OR51L1: variants seen among roughly 807,000 people sequenced by gnomAD.
OR51L1 encodes the protein olfactory receptor family 51 subfamily L member 1.
Under a neutral mutation model 1.4 loss-of-function variants are expected in OR51L1, and 1 was observed. The ratio of observed to expected loss-of-function variants is 0.72; its 90% CI spans 0.26 to 3.42. The LOEUF (loss-of-function observed/expected upper bound fraction) is 3.42, where lower values mean the gene tolerates loss of function less well. Ranked by LOEUF, OR51L1 falls within the 30% of genes most tolerant of loss-of-function variation. The pLI is 0.20. For synonymous variants in OR51L1, 156 were observed against 144.2 expected, an observed-to-expected ratio of 1.08 and a Z score of -0.59; for missense variants, 378 against 380.0, an observed-to-expected ratio of 0.99 and a Z score of 0.04.
chr11:4,998,971 C>T lies in OR51L1; in HGVS notation c.-12C>T, dbSNP rs1330989127. 6.2e-7 allele frequency: 1 copy of T among 1,606,200 alleles called. No individual in the cohort carries two copies. The highest frequency in any genetic ancestry group is 8.5e-7 in the Non-Finnish European group (1 of 1,175,094). ...CCATTCCTCACTACTTGCTGAATTA[C>T]TCAAAGTCACTATGGGAGACTGGAA... On this transcript the variant is annotated 5_prime_UTR_variant, in exon 3 of 3. Transcript: ENST00000641819.
In OR51L1 at chr11:5,002,206, A is replaced by G. The variant is rs900942681; in HGVS notation, c.*2276A>G. The G allele has an allele frequency of 1.3e-5, 2 of 152,238 alleles. No individual in the cohort carries two copies. The highest frequency in any genetic ancestry group is 2.9e-5 in the Non-Finnish European group (2 of 68,038). The allele number at this position is 152,238 out of a possible 1,614,324, so 9.4% of individuals were successfully genotyped here. On this transcript the variant is annotated 3_prime_UTR_variant, in exon 3 of 3. Coordinates refer to ENST00000641819, the MANE Select transcript of OR51L1 (RefSeq NM_001004755.2). The stretch of plus-strand genomic sequence containing the variant: ...GTCATATAGGTTAATGAAATTGGTT[A>G]TGATGGAAGTATTTAAACCACAGAA...
chr11:4,996,721 T>TTTC (rs1554896493), intron 1 of OR51L1, among the ~76,000 whole-genome samples: 5,561 of 106,160 alleles, frequency 0.052, 225 homozygotes, highest in Middle Eastern at 0.097. Context: ...CTTTCTTTTC[T>TTTC]TTTCTTTCTT....
rs575502048 is a variant in OR51L1, at chr11:4,996,691, T to C, written c.-261-791T>C. On this transcript the variant is annotated intron_variant, in intron 1 of 2. Transcript: ENST00000641819. The stretch of plus-strand genomic sequence containing the variant: ...TTTCTTTTTTTCTCTTTCTTTCTTT[T>C]TCTTTCTTTTCCTTCCTTCCTTTCT... 3.9e-3 allele frequency among the ~76,000 whole-genome samples: 531 copies of C among 136,576 alleles called. 7 individuals carry two copies. The highest frequency in any genetic ancestry group is 0.015 in the African/African-American group (520 of 35,386). 89.6% of individuals were successfully genotyped at this position (136,576 alleles called of 152,430 possible).
intron 1 of OR51L1, among the ~76,000 whole-genome samples, chr11:4,996,254 A>G (rs963643649): frequency 4.0e-5 from 6 of 150,700 alleles, no homozygotes; most frequent in South Asian, 2.1e-4. Flanking sequence ...GTGTGCATGC[A>G]CACACACACA....
At chr11:4,996,761 C>A (rs1589827950) in intron 1 of OR51L1, among the ~76,000 whole-genome samples, 1 of 123,712 alleles carries the variant, frequency 8.1e-6, no homozygotes, top group African/African-American at 3.1e-5. Context: ...TTCTTTCTTT[C>A]TTTCTTTCAT....
At position 5,002,801 on chromosome 11, in the gene OR51L1, A is replaced by T. The variant is rs557010090; in HGVS notation, c.*2871A>T. 6.6e-6 allele frequency: 1 copy of T among 152,112 alleles called. No individual in the cohort carries two copies. Among genetic ancestry groups the T allele is most frequent in the Admixed American group, 6.6e-5 (1 of 15,254 alleles). The allele number at this position is 152,112 out of a possible 1,614,324, so 9.4% of individuals were successfully genotyped here. A position where few individuals can be genotyped will look rare whatever the true frequency, so the allele number is the denominator to read the frequency against. ...CCACTTTCATTCCTTTTCATTTAAG[A>T]TGATTATCCCAGGGATTCTCTTATT... On this transcript the variant is annotated 3_prime_UTR_variant, in exon 3 of 3. Transcript: ENST00000641819.
At position 5,003,873 on chromosome 11, in the gene OR51L1, A is replaced by G. The variant is rs939980163; in HGVS notation, c.*3943A>G. 1 of 152,066 alleles carries G rather than the reference A, an allele frequency of 6.6e-6. No homozygotes were observed. The highest frequency in any genetic ancestry group is 1.9e-4 in the East Asian group (1 of 5,182). The allele number at this position is 152,066 out of a possible 1,614,324, so 9.4% of individuals were successfully genotyped here. On this transcript the variant is annotated 3_prime_UTR_variant, in exon 3 of 3. Coordinates refer to ENST00000641819, the MANE Select transcript of OR51L1 (RefSeq NM_001004755.2). ...TGTCTGATGACTAGAAATGTTCTTA[A>G]TTTTAATTAAGTCCAACTTATAAAT... is the stretch of plus-strand genomic sequence containing the variant.
rs1020590086 is a variant in OR51L1 at position 5,005,225 on chromosome 11, C to T, written c.*5295C>T. The T allele has an allele frequency of 6.6e-6, 1 of 152,200 alleles. No homozygotes were observed. Among genetic ancestry groups the T allele is most frequent in the Non-Finnish European group, 1.5e-5 (1 of 68,044 alleles). The allele number at this position is 152,200 out of a possible 1,614,324, so 9.4% of individuals were successfully genotyped here. A position where few individuals can be genotyped will look rare whatever the true frequency, so the allele number is the denominator to read the frequency against. ...ATTATGTCACTTACAAGTTTATCTTCCCAGGTGCAGAAAAGTCAAGATTCA... is the reference window on the plus strand; with the variant it reads ...ATTATGTCACTTACAAGTTTATCTTTCCAGGTGCAGAAAAGTCAAGATTCA... On this transcript the variant is annotated 3_prime_UTR_variant, in exon 3 of 3. Transcript: ENST00000641819.
rs1847157010 is a variant in OR51L1, at chr11:5,004,305, A to C, written c.*4375A>C. 1 of 152,234 alleles carries C rather than the reference A, an allele frequency of 6.6e-6. No individual in the cohort carries two copies. The highest frequency in any genetic ancestry group is 2.1e-4 in the South Asian group (1 of 4,828). 9.4% of individuals were successfully genotyped at this position (152,234 alleles called of 1,614,324 possible). A position where few individuals can be genotyped will look rare whatever the true frequency, so the allele number is the denominator to read the frequency against. On this transcript the variant is annotated 3_prime_UTR_variant, in exon 3 of 3. Coordinates refer to ENST00000641819, the MANE Select transcript of OR51L1 (RefSeq NM_001004755.2). The stretch of plus-strand genomic sequence containing the variant: ...TTTTCAGGACTGAGTAGTAGGAAGC[A>C]CCAGGTGAGCTGAGGCTTGTAGGCA...
In OR51L1 at chr11:4,995,852, G is replaced by T. The variant is rs141180899; in HGVS notation, c.-262+517G>T. 1.4e-4 allele frequency among the ~76,000 whole-genome samples: 22 copies of T among 152,178 alleles called. No individual in the cohort carries two copies. The East Asian group carries it at 4.2e-3, about 29-fold the overall frequency. ...AAAGACAATAAATGGATTTTAAAAA[G>T]TGAAAGACATGACAGATATGGCAGT... On this transcript the variant is annotated intron_variant, in intron 1 of 2. Coordinates refer to ENST00000641819, the MANE Select transcript of OR51L1 (RefSeq NM_001004755.2).
rs569873168 is a variant in OR51L1 at position 4,996,378 on chromosome 11, T to C, written c.-262+1043T>C. On this transcript the variant is annotated intron_variant, in intron 1 of 2. Transcript: ENST00000641819. ...ATACACAGTTAAAAATTAATAGGGA[T>C]TACAAACAGAAATATTCCTGCCTGT... is the stretch of plus-strand genomic sequence containing the variant. Among the ~76,000 whole-genome samples, 48 of 152,164 alleles carry C rather than the reference T, an allele frequency of 3.2e-4. 1 individual carries two copies. Among genetic ancestry groups the C allele is most frequent in the South Asian group, 1.9e-3 (9 of 4,824 alleles).
In OR51L1 at chr11:5,003,410, T is replaced by C. The variant is rs1847149351; in HGVS notation, c.*3480T>C. 6.6e-6 allele frequency: 1 copy of C among 152,228 alleles called. No homozygotes were observed. Among genetic ancestry groups the C allele is most frequent in the Middle Eastern group, 3.4e-3 (1 of 296 alleles). The allele number at this position is 152,228 out of a possible 1,614,324, so 9.4% of individuals were successfully genotyped here. A position where few individuals can be genotyped will look rare whatever the true frequency, so the allele number is the denominator to read the frequency against. On this transcript the variant is annotated 3_prime_UTR_variant, in exon 3 of 3. Coordinates refer to ENST00000641819, the MANE Select transcript of OR51L1 (RefSeq NM_001004755.2). ...TTCATTTTGTCTCTTAATGCACATGTCTAGAAAGTTACTTCCTTTTGGCAT... is the reference window on the plus strand; with the variant it reads ...TTCATTTTGTCTCTTAATGCACATGCCTAGAAAGTTACTTCCTTTTGGCAT...
In OR51L1 at chr11:5,004,566, A is replaced by G. The variant is rs1346388183; in HGVS notation, c.*4636A>G. 1 of 152,158 alleles carries G rather than the reference A, an allele frequency of 6.6e-6. No homozygotes were observed. Among genetic ancestry groups the G allele is most frequent in the Non-Finnish European group, 1.5e-5 (1 of 68,026 alleles). 9.4% of individuals were successfully genotyped at this position (152,158 alleles called of 1,614,324 possible). On this transcript the variant is annotated 3_prime_UTR_variant, in exon 3 of 3. Transcript: ENST00000641819. ...ATATTTCTCATTACACGCCTCTGGTAGAAGAGAGAGAATAATCAAAGAGAA... is the reference window on the plus strand; with the variant it reads ...ATATTTCTCATTACACGCCTCTGGTGGAAGAGAGAGAATAATCAAAGAGAA...
intron 1 of OR51L1, among the ~76,000 whole-genome samples, chr11:4,996,570 C>T (rs1413698227): frequency 1.3e-5 from 2 of 152,048 alleles, no homozygotes; most frequent in Admixed American, 6.6e-5. Flanking sequence ...TGATTTATTT[C>T]AGGACTGAAA....
rs189617942 is a variant in OR51L1 at position 4,999,970 on chromosome 11, G to A, written c.*40G>A. Reference sequence around the variant, plus strand: ...CCAACTTTTCCACTGAAAATCTCATGGAAGCTGTTTTAGTATATGAAAAGT... The same window carrying A: ...CCAACTTTTCCACTGAAAATCTCATAGAAGCTGTTTTAGTATATGAAAAGT... On this transcript the variant is annotated 3_prime_UTR_variant, in exon 3 of 3. Coordinates refer to ENST00000641819, the MANE Select transcript of OR51L1 (RefSeq NM_001004755.2). 18 of 1,545,654 alleles carry A rather than the reference G, an allele frequency of 1.2e-5. No homozygotes were observed. The African/African-American group carries it at 1.2e-4, about 11-fold the overall frequency.
At position 5,002,778 on chromosome 11, in the gene OR51L1, A is replaced by G. The variant is rs1052452364; in HGVS notation, c.*2848A>G. The G allele has an allele frequency of 6.6e-6, 1 of 152,012 alleles. No individual in the cohort carries two copies. The highest frequency in any genetic ancestry group is 1.5e-5 in the Non-Finnish European group (1 of 68,010). 9.4% of individuals were successfully genotyped at this position (152,012 alleles called of 1,614,324 possible). A position where few individuals can be genotyped will look rare whatever the true frequency, so the allele number is the denominator to read the frequency against. The stretch of plus-strand genomic sequence containing the variant: ...CTTTTCCCTCTGCCCAATCCTACCC[A>G]CTTTCATTCCTTTTCATTTAAGATG... On this transcript the variant is annotated 3_prime_UTR_variant, in exon 3 of 3. Transcript: ENST00000641819.
At position 5,000,128 on chromosome 11, in the gene OR51L1, G is replaced by A. The variant is rs527606401; in HGVS notation, c.*198G>A. 20 of 543,990 alleles carry A rather than the reference G, an allele frequency of 3.7e-5. No individual in the cohort carries two copies. The highest frequency in any genetic ancestry group is 3.6e-4 in the South Asian group (11 of 30,448). The allele number at this position is 543,990 out of a possible 1,614,324, so 33.7% of individuals were successfully genotyped here. ...CAAATTGTGACAACTATGGCCTTAC[G>A]TTGTCCCCAGGTCATTACAAGACTT... is the stretch of plus-strand genomic sequence containing the variant. On this transcript the variant is annotated 3_prime_UTR_variant, in exon 3 of 3. Transcript: ENST00000641819.
At position 5,000,422 on chromosome 11, in the gene OR51L1, G is replaced by A. The variant is rs1435439481; in HGVS notation, c.*492G>A. ...TCCTTAGGGCAAGTTTGGAACTTGA[G>A]TTCCTGACAGGATTTTGACCTGCTG... is the stretch of plus-strand genomic sequence containing the variant. On this transcript the variant is annotated 3_prime_UTR_variant, in exon 3 of 3. Transcript: ENST00000641819. The A allele has an allele frequency of 1.3e-5, 2 of 155,664 alleles. No homozygotes were observed. The highest frequency in any genetic ancestry group is 2.8e-5 in the Non-Finnish European group (2 of 70,204). 9.6% of individuals were successfully genotyped at this position (155,664 alleles called of 1,614,324 possible).
rs1589829142 is a variant in OR51L1 at position 5,000,255 on chromosome 11, T to G, written c.*325T>G. 2 of 207,828 alleles carry G rather than the reference T, an allele frequency of 9.6e-6. No homozygotes were observed. The highest frequency in any genetic ancestry group is 2.2e-4 in the East Asian group (2 of 8,952). 12.9% of individuals were successfully genotyped at this position (207,828 alleles called of 1,614,324 possible). On this transcript the variant is annotated 3_prime_UTR_variant, in exon 3 of 3. Transcript: ENST00000641819. ...TTGTTAATGATAACAGTATTTTCCT[T>G]CTTAAATGTAGCTGTGTTTATATTG... is the stretch of plus-strand genomic sequence containing the variant.
Sources: allele counts gnomAD v4.1 joint callset (sites outside exome capture counted in the v4.1 genomes callset), GRCh38; gene constraint gnomAD v4.1.1; transcripts MANE v1.5; gene names NCBI Gene and HGNC (gene_info 2026-07-23, HGNC 2026-07-21).